The following DTX1 variants were observed in gnomAD, a reference collection of about 807,000 sequenced individuals.
DTX1 encodes E3 ubiquitin-protein ligase DTX1.
A neutral mutation model predicts 57.8 loss-of-function variants in DTX1; 26 were observed. The observed-to-expected ratio is 0.45, with a 90% CI of 0.33 to 0.62. The LOEUF (loss-of-function observed/expected upper bound fraction) is 0.62, where lower values mean the gene tolerates loss of function less well. Among genes scored for constraint, DTX1 ranks in the 20% least tolerant of loss-of-function variants. The probability of loss-of-function intolerance (pLI) is 0.02; values close to 1 mark genes in which losing one functional copy is unlikely to be tolerated. For synonymous variants in DTX1, 398 were observed against 394.1 expected (o/e 1.01, Z -0.12); for missense variants, 704 against 895.3 (o/e 0.79, Z 2.73).
Position 113,066,440 on chromosome 12 carries a change from A to C in DTX1, c.259+7989A>C, listed in dbSNP as rs1176837625. On this transcript the variant is annotated intron_variant, in intron 2 of 9. Transcript: ENST00000548759. ...CTACTCGGGAGGCCAAGGCAGGAGAATCACTTGAACCCGGGAGGTGGAGGT... is the reference window on the plus strand; with the variant it reads ...CTACTCGGGAGGCCAAGGCAGGAGACTCACTTGAACCCGGGAGGTGGAGGT... Among the ~76,000 whole-genome samples the C allele has an allele frequency of 3.3e-5, 5 of 152,020 alleles. No homozygotes were observed. The South Asian group carries it at 8.3e-4, about 25-fold the overall frequency.
Position 113,073,334 on chromosome 12 carries a change from C to A in DTX1, c.260-4090C>A, listed in dbSNP as rs947697448. On this transcript the variant is annotated intron_variant, in intron 2 of 9. Transcript: ENST00000548759. ...GATCCAGGGTTTTCTCTCTAACTCA[C>A]CTCCTCCCGGGCCTACTGTGGAGGA... Among the ~76,000 whole-genome samples the A allele has an allele frequency of 2.6e-5, 4 of 152,122 alleles. No individual in the cohort carries two copies. The East Asian group carries it at 7.7e-4, about 29-fold the overall frequency.
chr12:113,074,892 C>G (rs1031394228), intron 2 of DTX1, among the ~76,000 whole-genome samples: 3 of 152,088 alleles, frequency 2.0e-5, no homozygotes, highest in Non-Finnish European at 4.4e-5. Flanking sequence ...GAAGAGCATC[C>G]GGAAGCGCAG....
Position 113,077,274 on chromosome 12 carries a change from T to C in DTX1, c.260-150T>C, listed in dbSNP as rs1012866829. ...GACCTCCTTCCTCTCCGTGCATGTGTTGACCCTCTCCCCAAGTCTGGGTGG... is the reference window on the plus strand; with the variant it reads ...GACCTCCTTCCTCTCCGTGCATGTGCTGACCCTCTCCCCAAGTCTGGGTGG... On this transcript the variant is annotated intron_variant, in intron 2 of 9. Transcript: ENST00000548759. This position sits in a 1 kb window ranked among gnomAD's most constrained non-coding sequence, Gnocchi z 7.8. 8 of 873,106 alleles carry C rather than the reference T, an allele frequency of 9.2e-6. No individual in the cohort carries two copies. The highest frequency in any genetic ancestry group is 5.7e-5 in the Admixed American group (2 of 35,028). The allele number at this position is 873,106 out of a possible 1,614,324, so 54.1% of individuals were successfully genotyped here.
Position 113,093,615 on chromosome 12 carries a change from G to C in DTX1, c.1080G>C (p.Pro360=). 1.2e-6 allele frequency: 2 copies of C among 1,612,934 alleles called. No homozygotes were observed. Among genetic ancestry groups the C allele is most frequent in the Admixed American group, 3.3e-5 (2 of 59,962 alleles). The change falls in exon 5 of 10, where the codon CCG becomes CCC. Residue 360 remains proline, a synonymous_variant. Coordinates refer to ENST00000548759, the MANE Select transcript of DTX1 (RefSeq NM_004416.3). This position sits in a 1 kb window ranked among gnomAD's most constrained non-coding sequence, Gnocchi z 4.2. Reference sequence around the variant, plus strand: ...GGGCCCCCAAGCCCATCCTGCACCCGCCGCCCGTGAGCAAGAGCGACGTGA... The same window carrying C: ...GGGCCCCCAAGCCCATCCTGCACCCCCCGCCCGTGAGCAAGAGCGACGTGA... ...LTRAPKPILH[P]PPVSKSDVKP... is the part of the protein sequence containing the mutation.
At chr12:113,068,873 C>T (rs1042890182) in intron 2 of DTX1, among the ~76,000 whole-genome samples, 8 of 152,192 alleles carry the variant, frequency 5.3e-5, no homozygotes, top group Non-Finnish European at 1.0e-4. Flanking sequence ...CAGTGGAAGT[C>T]GGGGAAGTTC....
Position 113,071,795 on chromosome 12 carries a change from G to A in DTX1, c.260-5629G>A, listed in dbSNP as rs74317265. Among the ~76,000 whole-genome samples the A allele has an allele frequency of 8.9e-3, 1,360 of 152,384 alleles. 7 individuals are homozygous for A. Among genetic ancestry groups the A allele is most frequent in the Non-Finnish European group, 0.013 (878 of 68,042 alleles). On this transcript the variant is annotated intron_variant, in intron 2 of 9. Coordinates refer to ENST00000548759, the MANE Select transcript of DTX1 (RefSeq NM_004416.3). ...GCGGACGGATGGGCAGGCGGGCAGC[G>A]GCGGGCGCTGCGGGGTGCAGGGCCC...
chr12:113,083,545 C>T (rs924196772), intron 3 of DTX1, among the ~76,000 whole-genome samples: 1 of 152,180 alleles, frequency 6.6e-6, no homozygotes, highest in East Asian at 1.9e-4. Flanking sequence ...AGGCTGGTCT[C>T]GAACTCCTGA....
At chr12:113,060,157 C>G (rs1281570948) in intron 2 of DTX1, among the ~76,000 whole-genome samples, 1 of 152,138 alleles carries the variant, frequency 6.6e-6, no homozygotes, top group Non-Finnish European at 1.5e-5. Flanking sequence ...TCTATGTTTC[C>G]GTAACTCCAG....
chr12:113,061,376 T>C (rs930183021), intron 2 of DTX1, among the ~76,000 whole-genome samples: 3 of 152,338 alleles, frequency 2.0e-5, no homozygotes, highest in South Asian at 4.1e-4. Context: ...TCACCAGATA[T>C]GTGAGGGTTT....
intron 3 of DTX1, among the ~76,000 whole-genome samples, chr12:113,087,519 T>C (rs926595882): frequency 4.0e-5 from 6 of 151,300 alleles, no homozygotes; most frequent in Admixed American, 2.0e-4. Context: ...AGAAGGCAGC[T>C]ATGAGGCAGA....
chr12:113,069,125 T>A (rs945356417), intron 2 of DTX1, among the ~76,000 whole-genome samples: 6 of 152,210 alleles, frequency 3.9e-5, no homozygotes, highest in African/African-American at 1.4e-4. Flanking sequence ...TAGTAGGCCC[T>A]CTGGGAGTGT....
At chr12:113,079,363 T>TG (rs1302839098) in intron 3 of DTX1, among the ~76,000 whole-genome samples, 1 of 152,102 alleles carries the variant, frequency 6.6e-6, no homozygotes, top group Non-Finnish European at 1.5e-5. Context: ...ATGCGACCTT[T>TG]GGGGTCACTG....
At chr12:113,071,614 T>C (rs2044738612) in intron 2 of DTX1, among the ~76,000 whole-genome samples, 1 of 152,240 alleles carries the variant, frequency 6.6e-6, no homozygotes, top group Non-Finnish European at 1.5e-5. Flanking sequence ...AGACCCATTG[T>C]TCTGGCTGAA....
At chr12:113,070,878 A>G (rs2044734001) in intron 2 of DTX1, among the ~76,000 whole-genome samples, 1 of 152,132 alleles carries the variant, frequency 6.6e-6, no homozygotes, top group African/African-American at 2.4e-5. Flanking sequence ...CAGTTTCCTC[A>G]TCTGTAAAAT....
chr12:113,058,742 A>C (rs2044647865), intron 2 of DTX1, among the ~76,000 whole-genome samples: 1 of 152,214 alleles, frequency 6.6e-6, no homozygotes, highest in African/African-American at 2.4e-5. Flanking sequence ...GTGAGGATTA[A>C]ATAAAATTGT....
Position 113,093,538 on chromosome 12 carries a change from G to T in DTX1, c.1004-1G>T. On this transcript the variant is annotated splice_acceptor_variant, in intron 4 of 9. Coordinates refer to ENST00000548759, the MANE Select transcript of DTX1 (RefSeq NM_004416.3). LOFTEE classifies it high-confidence loss of function. The surrounding 1 kb of genome is among the most constrained non-coding windows in gnomAD (Gnocchi z 4.2). ...CTGTGACTGCGCCCCCTAACCCCCA[G>T]GGATGACCGGGATACTGCTGTGCGC... is the stretch of plus-strand genomic sequence containing the variant. 6.7e-7 allele frequency: 1 copy of T among 1,497,824 alleles called. No individual in the cohort carries two copies. Among genetic ancestry groups the T allele is most frequent in the South Asian group, 1.1e-5 (1 of 88,912 alleles). The allele number at this position is 1,497,824 out of a possible 1,614,324, so 92.8% of individuals were successfully genotyped here.
In DTX1 at chr12:113,058,322, G is replaced by T; in HGVS notation, c.130G>T (p.Val44Leu). 1.2e-6 allele frequency: 2 copies of T among 1,613,628 alleles called. No individual in the cohort carries two copies. The highest frequency in any genetic ancestry group is 1.7e-6 in the Non-Finnish European group (2 of 1,180,038). ...HSRWRPYTAT[V>L]CHHIENVLKE... is the part of the protein sequence containing the mutation. ...CCGCTGGCGGCCCTACACGGCCACCGTGTGCCACCACATTGAGAACGTGCT... is the reference window on the plus strand; with the variant it reads ...CCGCTGGCGGCCCTACACGGCCACCTTGTGCCACCACATTGAGAACGTGCT... The change falls in exon 2 of 10, where the codon GTG (valine) becomes TTG (leucine). Residue 44 changes from valine (V) to leucine (L), a missense_variant. Transcript: ENST00000548759.
At chr12:113,069,298 G>A (rs939303060) in intron 2 of DTX1, among the ~76,000 whole-genome samples, 8 of 152,050 alleles carry the variant, frequency 5.3e-5, no homozygotes, top group African/African-American at 1.9e-4. Context: ...GGGTGTGTGG[G>A]AAGCCAGGTG....
At chr12:113,064,840 C>T (rs957232536) in intron 2 of DTX1, among the ~76,000 whole-genome samples, 4 of 152,232 alleles carry the variant, frequency 2.6e-5, no homozygotes, top group Non-Finnish European at 5.9e-5. Flanking sequence ...ATGCACGGTG[C>T]CTTCAGCCAT....
Sources: allele counts gnomAD v4.1 joint callset (sites outside exome capture counted in the v4.1 genomes callset), GRCh38; gene constraint gnomAD v4.1.1; non-coding constraint Gnocchi (gnomAD v3.1); transcripts MANE v1.5; gene names NCBI Gene and HGNC (gene_info 2026-07-23, HGNC 2026-07-21).